Variants in MARCHF5 observed in about 807,000 individuals in gnomAD.
MARCHF5 encodes E3 ubiquitin-protein ligase MARCHF5.
Under a neutral mutation model 36.5 loss-of-function variants are expected in MARCHF5, and 5 were observed. The observed-to-expected ratio is 0.14, with a 90% CI of 0.07 to 0.29. MARCHF5 has a LOEUF of 0.29. Among genes scored for constraint, MARCHF5 ranks in the 10% least tolerant of loss-of-function variants. The pLI is 1.00. For missense variants in MARCHF5, 179 were observed against 336.3 expected (o/e 0.53, Z 3.66); for synonymous variants, 103 against 109.9 (o/e 0.94, Z 0.39).
chr10:92,343,318 C>G (rs770976827), intron 3 of MARCHF5, among the ~76,000 whole-genome samples: 1 of 152,206 alleles, frequency 6.6e-6, no homozygotes, highest in East Asian at 1.9e-4. Flanking sequence ...GCAACTCCTG[C>G]CTGCTGTGAT....
chr10:92,298,538 T>A (rs1276341826), intron 1 of MARCHF5, among the ~76,000 whole-genome samples: 1 of 152,226 alleles, frequency 6.6e-6, no homozygotes, highest in Non-Finnish European at 1.5e-5. Context: ...ATATTACCAG[T>A]CTTCTTGTCC....
chr10:92,305,855 A>C (rs1843067944), intron 1 of MARCHF5, among the ~76,000 whole-genome samples: 1 of 152,164 alleles, frequency 6.6e-6, no homozygotes, highest in South Asian at 2.1e-4. Flanking sequence ...ACTGGAGCCC[A>C]GGAGGTCCAG....
In MARCHF5 at chr10:92,351,110, C is replaced by T. The variant is rs777787717; in HGVS notation, c.740C>T (p.Ala247Val). ...RTILGGIAFVAIKGAFKVYFK... is the reference protein window; with the variant it reads ...RTILGGIAFVVIKGAFKVYFK... ...TTTTAGGGTGGAATTGCGTTTGTTG[C>T]CATAAAAGGAGCATTTAAAGTTTAC... Residue 247 changes from alanine (A) to valine (V), a missense_variant, in exon 6 of 6, where the codon GCC becomes GTC. Physicochemically the swap from Ala to Val is moderately conservative, Grantham distance 64. Coordinates refer to ENST00000358935, the MANE Select transcript of MARCHF5 (RefSeq NM_017824.5). 1 of 1,608,984 alleles carries T rather than the reference C, an allele frequency of 6.2e-7. No individual in the cohort carries two copies. Among genetic ancestry groups the T allele is most frequent in the Admixed American group, 1.7e-5 (1 of 59,658 alleles).
At chr10:92,334,460 C>G (rs893493779) in intron 2 of MARCHF5, 6 of 152,402 alleles carry the variant, frequency 3.9e-5, no homozygotes, top group African/African-American at 1.2e-4. Context: ...AATTATGTTT[C>G]TCTGCCAGTC....
rs869277487 is a variant in MARCHF5 at position 92,314,748 on chromosome 10, GCCC to G, written c.238+3418_238+3420del. On this transcript the variant is annotated intron_variant, in intron 2 of 5. Transcript: ENST00000358935. ...GTATTTGCTGCTGCTGCTTCCCCCC[GCCC>G]CCCCCCGCCAATAGAGGTTGGGTCT... 3.7e-3 allele frequency among the ~76,000 whole-genome samples: 39 copies of G among 10,680 alleles called. 2 individuals carry two copies. The highest frequency in any genetic ancestry group is 0.25 in the Middle Eastern group (1 of 4). The allele number at this position is 10,680 out of a possible 152,430, so 7.0% of individuals were successfully genotyped here.
At position 92,349,740 on chromosome 10, in the gene MARCHF5, G is replaced by A. The variant is rs755468077; in HGVS notation, c.623G>A (p.Arg208Gln). The change falls in exon 5 of 6, where the codon CGA becomes CAA. Residue 208 changes from arginine (R) to glutamine (Q), a missense_variant. By Grantham distance (43) the Arg-to-Gln change is conservative. Coordinates refer to ENST00000358935, the MANE Select transcript of MARCHF5 (RefSeq NM_017824.5). Reference protein sequence around the residue: ...NPLADHVSATRILCGALVFPT... With the variant: ...NPLADHVSATQILCGALVFPT... ...TTAGCAGATCATGTCTCTGCTACTC[G>A]AATCTTGTGTGGAGCCCTTGTCTTT... The A allele has an allele frequency of 6.8e-6, 11 of 1,614,100 alleles. No homozygotes were observed. Among genetic ancestry groups the A allele is most frequent in the South Asian group, 2.2e-5 (2 of 91,086 alleles).
At chr10:92,299,830 C>G (rs1590644673) in intron 1 of MARCHF5, among the ~76,000 whole-genome samples, 1 of 152,088 alleles carries the variant, frequency 6.6e-6, no homozygotes, top group Admixed American at 6.6e-5. Flanking sequence ...AATAATCATG[C>G]AGAAGCACCA....
intron 2 of MARCHF5, among the ~76,000 whole-genome samples, chr10:92,313,591 C>T (rs1054985385): frequency 1.8e-4 from 27 of 150,560 alleles, no homozygotes; most frequent in Admixed American, 6.0e-4. Flanking sequence ...GGAGATAGAG[C>T]GAGACGCCGT....
chr10:92,338,896 A>AT (rs1188120718), intron 2 of MARCHF5, among the ~76,000 whole-genome samples: 6 of 152,088 alleles, frequency 3.9e-5, no homozygotes, highest in African/African-American at 1.2e-4. Context: ...AAGTTTTCAT[A>AT]TTTTTTTGGT....
intron 1 of MARCHF5, among the ~76,000 whole-genome samples, chr10:92,303,505 C>A (rs1280569012): frequency 1.3e-5 from 2 of 152,044 alleles, no homozygotes; most frequent in Admixed American, 6.6e-5. Context: ...CTTTTCTTGG[C>A]ACTTAATGCT....
chr10:92,349,578 T>A (rs1348952467), intron 4 of MARCHF5, 46 bp downstream of exon 4: 2 of 1,597,648 alleles, frequency 1.3e-6, no homozygotes, highest in Non-Finnish European at 1.7e-6. Context: ...AAATTGATCT[T>A]GAAGAACAAT....
At position 92,349,474 on chromosome 10, in the gene MARCHF5, G is replaced by A. The variant is rs1176491012; in HGVS notation, c.495G>A (p.Val165=). 6.2e-7 allele frequency: 1 copy of A among 1,614,098 alleles called. No individual in the cohort carries two copies. The highest frequency in any genetic ancestry group is 1.7e-5 in the Admixed American group (1 of 59,994). The change falls in exon 4 of 6, where the codon GTG becomes GTA. Residue 165 remains valine (V), a synonymous_variant. Transcript: ENST00000358935. ...LGKMIRWEDY[V]LRLWRKYSNK... ...AGATGATTCGCTGGGAGGACTATGT[G>A]CTTAGACTGTGGCGCAAATACTCGA...
intron 2 of MARCHF5, among the ~76,000 whole-genome samples, chr10:92,330,826 A>C (rs2135204879): frequency 6.6e-6 from 1 of 152,348 alleles, no homozygotes; most frequent in East Asian, 1.9e-4. Context: ...GTACAGATGC[A>C]GAAATTCAGG....
intron 2 of MARCHF5, among the ~76,000 whole-genome samples, chr10:92,324,305 C>G (rs570299420): frequency 6.6e-5 from 10 of 152,142 alleles, no homozygotes; most frequent in African/African-American, 2.4e-4. Context: ...GATCTTTTCT[C>G]CTTGGTTGTC....
intron 2 of MARCHF5, chr10:92,333,715 C>T: frequency 1.1e-6 from 1 of 939,006 alleles, no homozygotes; most frequent in Non-Finnish European, 1.3e-6. Flanking sequence ...TTAAGTTAGT[C>T]TTTGCTGAGA....
intron 1 of MARCHF5, among the ~76,000 whole-genome samples, chr10:92,294,657 G>A (rs916993369): frequency 2.6e-5 from 4 of 152,176 alleles, no homozygotes; most frequent in Admixed American, 6.5e-5. Flanking sequence ...CTGTTCATTT[G>A]TTTATTTCTT....
intron 3 of MARCHF5, among the ~76,000 whole-genome samples, chr10:92,347,520 A>T (rs201222761): frequency 4.3e-5 from 5 of 115,542 alleles, no homozygotes; most frequent in Non-Finnish European, 8.9e-5. Context: ...ATAGATAGAT[A>T]GATGATAGAT....
chr10:92,334,639 T>C (rs1843481661), intron 2 of MARCHF5: 1 of 152,236 alleles, frequency 6.6e-6, no homozygotes, highest in Non-Finnish European at 1.5e-5. Context: ...CCTTCAGTCA[T>C]TGACTTCTGA....
intron 2 of MARCHF5, among the ~76,000 whole-genome samples, chr10:92,317,539 ATTGT>A (rs992372213): frequency 2.6e-5 from 4 of 151,230 alleles, no homozygotes; most frequent in Non-Finnish European, 5.9e-5. Flanking sequence ...TTGTTTTTAG[ATTGT>A]TTAAGTATGT....
Sources: allele counts gnomAD v4.1 joint callset (sites outside exome capture counted in the v4.1 genomes callset), GRCh38; gene constraint gnomAD v4.1.1; transcripts MANE v1.5; gene names NCBI Gene and HGNC (gene_info 2026-07-23, HGNC 2026-07-21).